The following ADGRV1 variants were observed in gnomAD, a reference collection of about 807,000 sequenced individuals.
ADGRV1 encodes the protein G-protein coupled receptor 98.
Under a neutral mutation model 596.2 loss-of-function variants are expected in ADGRV1, and 359 were observed. The ratio of observed to expected loss-of-function variants is 0.60; its 90% confidence interval spans 0.55 to 0.66. The LOEUF (loss-of-function observed/expected upper bound fraction) is 0.66. Ranked by LOEUF, ADGRV1 falls within the 30% of genes least tolerant of loss-of-function variation. The pLI, the probability that ADGRV1 is intolerant of heterozygous loss-of-function variation, is 0.00. For synonymous variants in ADGRV1, 2,681 were observed against 2,679.2 expected, an observed-to-expected ratio of 1.00 and a Z score of -0.02; for missense variants, 7,274 against 7,575.6, an observed-to-expected ratio of 0.96 and a Z score of 1.48.
chr5:90,928,984 C>G (rs1774885418), intron 83 of ADGRV1, among the ~76,000 whole-genome samples: 1 of 149,156 alleles, frequency 6.7e-6, no homozygotes, highest in Non-Finnish European at 1.5e-5. Flanking sequence ...AGGCAGTCTG[C>G]CCGTTCTCAG....
chr5:90,734,815 C>G (rs1286304748), intron 50 of ADGRV1, among the ~76,000 whole-genome samples: 1 of 152,184 alleles, frequency 6.6e-6, no homozygotes, highest in Non-Finnish European at 1.5e-5. Context: ...GCCTCAGCCT[C>G]CCAAAGTGCT....
intron 4 of ADGRV1, among the ~76,000 whole-genome samples, chr5:90,619,478 T>C (rs1218510632): frequency 2.6e-5 from 4 of 152,174 alleles, no homozygotes; most frequent in Admixed American, 2.0e-4. Context: ...ATACCACCCA[T>C]TGCCTTTTCC....
intron 83 of ADGRV1, chr5:90,899,041 G>C (rs1007307952): frequency 3.9e-5 from 6 of 152,208 alleles, no homozygotes; most frequent in African/African-American, 1.4e-4. Flanking sequence ...TTGGAAATCA[G>C]TTCTGGTTAA....
intron 83 of ADGRV1, chr5:90,899,148 C>T (rs1308623714): frequency 2.0e-5 from 3 of 152,124 alleles, no homozygotes; most frequent in Admixed American, 1.3e-4. Flanking sequence ...TTCTGTAAAA[C>T]TTTTTAAAAA....
chr5:90,689,838 C>T (rs778092002), intron 29 of ADGRV1, 23 bp from the exon 30 acceptor site: 7 of 1,546,190 alleles, frequency 4.5e-6, no homozygotes, highest in Admixed American at 1.7e-5. Context: ...GAAGTCTTAA[C>T]ATTTTACTTT....
intron 70 of ADGRV1, among the ~76,000 whole-genome samples, chr5:90,794,257 CAA>C (rs1303117331): frequency 6.6e-6 from 1 of 152,098 alleles, no homozygotes; most frequent in African/African-American, 2.4e-5. Context: ...GCTCTAAGAA[CAA>C]AAGAGTCTTG....
chr5:91,015,022 A>G (rs1042883483), intron 85 of ADGRV1, among the ~76,000 whole-genome samples: 1 of 152,014 alleles, frequency 6.6e-6, no homozygotes, highest in Non-Finnish European at 1.5e-5. Context: ...ATTTAGTGCT[A>G]TGAATTTCCC....
chr5:90,964,792 G>A (rs1396140969), intron 83 of ADGRV1, among the ~76,000 whole-genome samples: 3 of 151,852 alleles, frequency 2.0e-5, no homozygotes, highest in African/African-American at 7.3e-5. Flanking sequence ...TTAAAAAAGA[G>A]AGAGAGAGAG....
In ADGRV1 at chr5:90,683,955, CTT is replaced by C; in HGVS notation, c.6035_6036del (p.Leu2012ArgfsTer8). 6.2e-7 allele frequency: 1 copy of C among 1,613,858 alleles called. No individual in the cohort carries two copies. The highest frequency in any genetic ancestry group is 2.2e-5 in the East Asian group (1 of 44,864). ...IRLKGLMGKVLVSYATLDDME... is the reference protein window; with the variant it reads ...IRLKGLMGKVXVSYATLDDME... The stretch of plus-strand genomic sequence containing the variant: ...GTTGAAAGGCCTCATGGGAAAAGTC[CTT>C]GTCTCATATGCAACACTAGATGATA... On this transcript the variant is annotated frameshift_variant, in exon 28 of 90. Coordinates refer to ENST00000405460, the MANE Select transcript of ADGRV1 (RefSeq NM_032119.4). LOFTEE classifies it high-confidence loss of function.
At chr5:90,621,921 C>T (rs538700233) in intron 4 of ADGRV1, among the ~76,000 whole-genome samples, 2 of 152,206 alleles carry the variant, frequency 1.3e-5, no homozygotes, top group South Asian at 4.2e-4. Flanking sequence ...CGCATTGAAA[C>T]CTCATCACAA....
At chr5:90,592,818 A>AT (rs1413470938) in intron 1 of ADGRV1, among the ~76,000 whole-genome samples, 2 of 152,242 alleles carry the variant, frequency 1.3e-5, no homozygotes, top group African/African-American at 4.8e-5. Flanking sequence ...AAAAGAAGAC[A>AT]TTTATGCAGC....
In ADGRV1 at chr5:90,694,545, G is replaced by A. The variant is rs1465663299; in HGVS notation, c.7789G>A (p.Glu2597Lys). Residue 2597 changes from glutamate to lysine, a missense_variant, in exon 33 of 90, where the codon GAA (glutamate) becomes AAA (lysine). Physicochemically the swap from Glu to Lys is moderately conservative, Grantham distance 56. Coordinates refer to ENST00000405460, the MANE Select transcript of ADGRV1 (RefSeq NM_032119.4). The part of the protein sequence containing the change: ...PNTSEDGLFV[E>K]VQEQPQTLVE... ...TACTTCCGAAGATGGCTTATTTGTT[G>A]AAGTTCAGGAGCAGCCCCAAACCTT... 3 of 1,613,776 alleles carry A rather than the reference G, an allele frequency of 1.9e-6. No individual in the cohort carries two copies. The highest frequency in any genetic ancestry group is 4.5e-5 in the East Asian group (2 of 44,892).
chr5:90,619,083 T>C lies in ADGRV1; in HGVS notation c.358-3T>C. ...TTATTTTATTTTTGGGATTTTATTT[T>C]AGAAACCTTCAGCAAATGTGAAGCT... On this transcript the variant is annotated splice_polypyrimidine_tract_variant and splice_region_variant and intron_variant, in intron 3 of 89. Transcript: ENST00000405460. 2 of 1,382,224 alleles carry C rather than the reference T, an allele frequency of 1.4e-6. No individual in the cohort carries two copies. The highest frequency in any genetic ancestry group is 1.9e-6 in the Non-Finnish European group (2 of 1,034,528). The allele number at this position is 1,382,224 out of a possible 1,614,324, so 85.6% of individuals were successfully genotyped here.
rs748390583 is a variant in ADGRV1 at position 91,064,885 on chromosome 5, C to T, written c.18153-7562C>T. On this transcript the variant is annotated intron_variant, in intron 85 of 89. Transcript: ENST00000405460. ...GGATTGACCAGGAAATACGTACACA[C>T]ACAATGCATGCATGCATAAATTCAC... 1.4e-4 allele frequency among the ~76,000 whole-genome samples: 22 copies of T among 152,248 alleles called. No homozygotes were observed. In the East Asian group the frequency reaches 2.9e-3, roughly 20 times the overall value.
chr5:91,051,097 G>A (rs1343441701), intron 85 of ADGRV1, among the ~76,000 whole-genome samples: 1 of 152,130 alleles, frequency 6.6e-6, no homozygotes, highest in East Asian at 1.9e-4. Context: ...TATAAACTTA[G>A]CACAACATGA....
intron 87 of ADGRV1, among the ~76,000 whole-genome samples, chr5:91,147,693 T>C (rs1011289597): frequency 2.0e-5 from 3 of 152,310 alleles, no homozygotes; most frequent in Middle Eastern, 6.8e-3. Flanking sequence ...CGGGTATTTC[T>C]TTATAGCAGT....
At chr5:90,704,249 T>C in intron 35 of ADGRV1, 140 bp from the exon 36 acceptor site, 1 of 620,558 alleles carries the variant, frequency 1.6e-6, no homozygotes, top group Non-Finnish European at 2.8e-6. Flanking sequence ...GGTTTTTATT[T>C]ATTTATTTTT....
At chr5:90,717,172 T>G (rs1027169407) in intron 43 of ADGRV1, 1 of 152,484 alleles carries the variant, frequency 6.6e-6, no homozygotes, top group Non-Finnish European at 1.5e-5. Flanking sequence ...AATAGTTTAT[T>G]GGAGAAAAAA....
intron 3 of ADGRV1, 107 bp downstream of exon 3, chr5:90,618,060 A>T (rs1404390910): frequency 2.7e-6 from 2 of 746,848 alleles, no homozygotes; most frequent in Non-Finnish European, 4.1e-6. Context: ...GCCAATTCAG[A>T]TAACTGGTGG....
Sources: allele counts gnomAD v4.1 joint callset (sites outside exome capture counted in the v4.1 genomes callset), GRCh38; gene constraint gnomAD v4.1.1; transcripts MANE v1.5; gene names NCBI Gene and HGNC (gene_info 2026-07-23, HGNC 2026-07-21).